Variants in DMXL2 observed in about 807,000 individuals in gnomAD.
The protein encoded by DMXL2 is Dmx like 2, also known as dmX-like protein 2.
Under a neutral mutation model 331.1 loss-of-function variants are expected in DMXL2, and 103 were observed. The ratio of observed to expected loss-of-function variants is 0.31; its 90% CI spans 0.27 to 0.37. DMXL2 has a LOEUF of 0.37. Ranked by LOEUF, DMXL2 falls within the 10% of genes least tolerant of loss-of-function variation. The probability of loss-of-function intolerance (pLI) is 1.00; values close to 1 mark genes in which losing one functional copy is unlikely to be tolerated. For synonymous variants in DMXL2, 1,281 were observed against 1,252.1 expected, an observed-to-expected ratio of 1.02 and a Z score of -0.49; for missense variants, 3,171 against 3,642.9, an observed-to-expected ratio of 0.87 and a Z score of 3.33.
At chr15:51,575,908 TA>T in intron 2 of DMXL2, 147 bp downstream of exon 2, 1 of 747,012 alleles carries the variant, frequency 1.3e-6, no homozygotes, top group Non-Finnish European at 2.2e-6. Context: ...ACAATTTGTA[TA>T]AACCTATCAC....
intron 43 of DMXL2, 31 bp downstream of exon 43, chr15:51,450,098 T>C (rs781176543): frequency 3.1e-6 from 5 of 1,596,686 alleles, no homozygotes; most frequent in South Asian, 1.1e-5. Flanking sequence ...AATCAGTCTT[T>C]AGCACATTCC....
At chr15:51,612,444 G>A (rs546433222) in intron 1 of DMXL2, among the ~76,000 whole-genome samples, 20 of 151,990 alleles carry the variant, frequency 1.3e-4, no homozygotes, top group African/African-American at 2.7e-4. Context: ...CCTAAGTGTC[G>A]GCCAGTCTGG....
intron 1 of DMXL2, among the ~76,000 whole-genome samples, chr15:51,586,941 G>A (rs540146016): frequency 3.4e-4 from 50 of 147,412 alleles, no homozygotes; most frequent in African/African-American, 1.2e-3. Flanking sequence ...ATATGTCAGT[G>A]CTAAGAATAA....
At chr15:51,519,633 C>CGTTTTTTTTTTTTTTTTTTTTTTT (rs1567060228) in intron 13 of DMXL2, among the ~76,000 whole-genome samples, 1 of 118,318 alleles carries the variant, frequency 8.5e-6, no homozygotes, top group African/African-American at 3.3e-5. Flanking sequence ...GACAAAGTCT[C>CGTTTTTTTTTTTTTTTTTTTTTTT]TTGTTTTTTT....
intron 29 of DMXL2, among the ~76,000 whole-genome samples, chr15:51,468,158 C>A (rs2140290140): frequency 6.6e-6 from 1 of 152,318 alleles, no homozygotes; most frequent in African/African-American, 2.4e-5. Flanking sequence ...TGATGCTTAT[C>A]TAGAAACAAT....
chr15:51,547,526 A>AT, intron 6 of DMXL2, 118 bp from the exon 7 acceptor site: 1 of 594,008 alleles, frequency 1.7e-6, no homozygotes, highest in Non-Finnish European at 2.7e-6. Flanking sequence ...TGACTTATAC[A>AT]TAATACAAAA....
rs1431839180 is a variant in DMXL2 at position 51,474,383 on chromosome 15, GT to G, written c.7173del (p.Lys2391AsnfsTer4). The G allele has an allele frequency of 6.2e-7, 1 of 1,612,942 alleles. No individual in the cohort carries two copies. Among genetic ancestry groups the G allele is most frequent in the Non-Finnish European group, 8.5e-7 (1 of 1,179,308 alleles). On this transcript the variant is annotated frameshift_variant, in exon 28 of 44. Coordinates refer to ENST00000560891, the MANE Select transcript of DMXL2 (RefSeq NM_001378457.1). LOFTEE classifies it high-confidence loss of function. ...MWAAVFGGGV[K>X]LVVKPRRQSE... ...GATTGTCTTCGAGGTTTCACAACAA[GT>G]TTTACACCGCCTCCAAAAACAGCAG...
intron 4 of DMXL2, 100 bp from the exon 5 acceptor site, chr15:51,564,360 G>A: frequency 2.1e-6 from 2 of 932,888 alleles, no homozygotes; most frequent in Non-Finnish European, 1.5e-6. Flanking sequence ...AATATTATGT[G>A]AAAAGTAAGC....
intron 13 of DMXL2, among the ~76,000 whole-genome samples, chr15:51,525,360 G>C (rs1420165703): frequency 1.3e-5 from 2 of 152,136 alleles, no homozygotes; most frequent in Non-Finnish European, 2.9e-5. Context: ...TAGAGAAAAG[G>C]AGGGGCAATG....
intron 1 of DMXL2, among the ~76,000 whole-genome samples, chr15:51,590,659 CT>C (rs2052234400): frequency 6.6e-6 from 1 of 152,076 alleles, no homozygotes; most frequent in African/African-American, 2.4e-5. Context: ...TCCCAAGTAG[CT>C]GAAACTACAG....
In DMXL2 at chr15:51,542,403, T is replaced by C. The variant is rs1463976792; in HGVS notation, c.1035A>G (p.Gln345=). The change falls in exon 9 of 44, where the codon CAA becomes CAG. Residue 345 remains glutamine, a synonymous_variant. Coordinates refer to ENST00000560891, the MANE Select transcript of DMXL2 (RefSeq NM_001378457.1). The part of the protein sequence containing the change: ...MPDQTAMHEV[Q]RHISHHANAL... ...CATTTGCATGGTGGGAAATGTGTCTTTGAACTTCATGCATTGCTGTCTGGT... is the reference window on the plus strand; with the variant it reads ...CATTTGCATGGTGGGAAATGTGTCTCTGAACTTCATGCATTGCTGTCTGGT... 1.4e-5 allele frequency: 23 copies of C among 1,613,768 alleles called. No homozygotes were observed. Among genetic ancestry groups the C allele is most frequent in the Non-Finnish European group, 1.9e-5 (22 of 1,179,872 alleles).
chr15:51,495,381 A>G (rs971949887), intron 18 of DMXL2, among the ~76,000 whole-genome samples: 2 of 152,190 alleles, frequency 1.3e-5, no homozygotes, highest in Non-Finnish European at 2.9e-5. Flanking sequence ...AGATAACAAG[A>G]ACATTTATAT....
At chr15:51,537,467 T>C (rs1201975309) in intron 11 of DMXL2, 21 bp downstream of exon 11, 1 of 1,577,640 alleles carries the variant, frequency 6.3e-7, no homozygotes. Flanking sequence ...ATGTAATAAC[T>C]ATTTCATCAA....
chr15:51,535,523 T>C lies in DMXL2; in HGVS notation c.2436+140A>G, dbSNP rs76193391. 844 of 636,318 alleles carry C rather than the reference T, an allele frequency of 1.3e-3. 6 individuals are homozygous for C. The African/African-American group carries it at 0.014, about 11-fold the overall frequency. The allele number at this position is 636,318 out of a possible 1,614,324, so 39.4% of individuals were successfully genotyped here. A position where few individuals can be genotyped will look rare whatever the true frequency, so the allele number is the denominator to read the frequency against. On this transcript the variant is annotated intron_variant, in intron 13 of 43. Coordinates refer to ENST00000560891, the MANE Select transcript of DMXL2 (RefSeq NM_001378457.1). ...GGAACACAGCTTAGGAAAAAATAAA[T>C]GTGTCATATATATGTCATATGCAGC...
At chr15:51,541,549 A>T (rs1395867693) in intron 9 of DMXL2, among the ~76,000 whole-genome samples, 1 of 152,146 alleles carries the variant, frequency 6.6e-6, no homozygotes, top group Non-Finnish European at 1.5e-5. Context: ...TAGAGTTACC[A>T]CTGCAGATCA....
chr15:51,569,894 A>G (rs2050546458), intron 2 of DMXL2, among the ~76,000 whole-genome samples: 1 of 152,200 alleles, frequency 6.6e-6, no homozygotes, highest in African/African-American at 2.4e-5. Flanking sequence ...CCTCCAAATG[A>G]TCACAACTCC....
intron 1 of DMXL2, among the ~76,000 whole-genome samples, chr15:51,605,620 T>C (rs1331116701): frequency 1.5e-4 from 7 of 46,634 alleles, no homozygotes; most frequent in Admixed American, 1.1e-3. Context: ...CTCGGCTCAC[T>C]GCAAGCTCCG....
intron 1 of DMXL2, among the ~76,000 whole-genome samples, chr15:51,594,213 CA>C (rs1179272357): frequency 3.3e-5 from 5 of 151,950 alleles, no homozygotes; most frequent in Non-Finnish European, 7.4e-5. Flanking sequence ...ATAGATGCAA[CA>C]AAAAATGATA....
intron 6 of DMXL2, among the ~76,000 whole-genome samples, chr15:51,553,593 G>T (rs1000437576): frequency 6.6e-6 from 1 of 152,128 alleles, no homozygotes; most frequent in Non-Finnish European, 1.5e-5. Context: ...ACCCAAGACA[G>T]CAAGACCAAC....
Sources: gnomAD v4.1 joint callset for allele counts (sites outside exome capture counted in the v4.1 genomes callset) on GRCh38, gnomAD v4.1.1 for gene constraint, MANE v1.5 for transcripts, NCBI Gene and HGNC (gene_info 2026-07-23, HGNC 2026-07-21) for gene names.